The following DGAT2 variants were observed in gnomAD, a reference collection of about 807,000 sequenced individuals.
The protein encoded by DGAT2 is acyl-CoA retinol O-fatty-acyltransferase.
DGAT2 carries 33 observed loss-of-function variants against 48.4 expected under a neutral mutation model. The ratio of observed to expected loss-of-function variants is 0.68; its 90% CI spans 0.52 to 0.91. DGAT2 has a LOEUF of 0.91. DGAT2 is among the 40% of genes least tolerant of loss of function. The pLI is 0.00. For synonymous variants in DGAT2, 191 were observed against 194.1 expected, an observed-to-expected ratio of 0.98 and a Z score of 0.13; for missense variants, 446 against 493.7, an observed-to-expected ratio of 0.90 and a Z score of 0.92.
At chr11:75,797,366 C>T (rs745524073) in intron 6 of DGAT2, 34 bp downstream of exon 6, 5 of 1,409,156 alleles carry the variant, frequency 3.5e-6, no homozygotes, top group Admixed American at 2.7e-5. Flanking sequence ...CACACCCCTC[C>T]AGTGCCCCTC....
At chr11:75,773,794 A>G (rs527427652) in intron 1 of DGAT2, 1 of 152,242 alleles carries the variant, frequency 6.6e-6, no homozygotes, top group Non-Finnish European at 1.5e-5. Flanking sequence ...TGATCTGAGC[A>G]ATGACAGGAA....
At chr11:75,787,649 C>T (rs1024838379) in intron 2 of DGAT2, among the ~76,000 whole-genome samples, 1 of 152,204 alleles carries the variant, frequency 6.6e-6, no homozygotes, top group Non-Finnish European at 1.5e-5. Flanking sequence ...GAACCAGAGC[C>T]TGTTGTTCAG....
intron 1 of DGAT2, among the ~76,000 whole-genome samples, chr11:75,777,635 C>T (rs1179966392): frequency 6.6e-6 from 1 of 152,144 alleles, no homozygotes; most frequent in African/African-American, 2.4e-5. Context: ...GAGTTAGAGG[C>T]CAGGTTCTCC....
At position 75,798,367 on chromosome 11, in the gene DGAT2, G is replaced by A. The variant is rs879238086; in HGVS notation, c.950G>A (p.Arg317Gln). The A allele has an allele frequency of 5.0e-6, 8 of 1,614,070 alleles. No individual in the cohort carries two copies. Among genetic ancestry groups the A allele is most frequent in the Admixed American group, 1.7e-5 (1 of 60,026 alleles). ...TTCGCCCCATGCATCTTCCATGGTC[G>A]AGGCCTCTTCTCCTCCGACACCTGG... ...IGFAPCIFHG[R>Q]GLFSSDTWGL... Residue 317 changes from arginine (R) to glutamine (Q), a missense_variant, in exon 7 of 8, where the codon CGA becomes CAA. Arg to Gln is a conservative substitution (Grantham distance 43, BLOSUM62 1). Transcript: ENST00000228027.
In DGAT2 at chr11:75,800,855, C is replaced by T. The variant is rs925931522; in HGVS notation, c.*347C>T. On this transcript the variant is annotated 3_prime_UTR_variant, in exon 8 of 8. Transcript: ENST00000228027. ...CCAGTTAGATGATTCACTTTTTGCC[C>T]CTAGGGATGAGAGGCGAAAGCCACT... 2.5e-5 allele frequency: 6 copies of T among 238,640 alleles called. No homozygotes were observed. Among genetic ancestry groups the T allele is most frequent in the Non-Finnish European group, 4.1e-5 (5 of 121,328 alleles). 14.8% of individuals were successfully genotyped at this position (238,640 alleles called of 1,614,324 possible).
intron 6 of DGAT2, 69 bp downstream of exon 6, chr11:75,797,401 C>T: frequency 1.5e-6 from 2 of 1,355,148 alleles, no homozygotes; most frequent in Non-Finnish European, 9.5e-7. Context: ...GACTCCTTGG[C>T]CCCTGAAGAC....
intron 1 of DGAT2, among the ~76,000 whole-genome samples, chr11:75,783,295 C>T (rs1944887512): frequency 6.6e-6 from 1 of 152,208 alleles, no homozygotes; most frequent in Non-Finnish European, 1.5e-5. Context: ...TGCATCACAC[C>T]AGGGAAAGGG....
chr11:75,800,262 G>A, intron 7 of DGAT2, 92 bp from the exon 8 acceptor site: 1 of 1,452,008 alleles, frequency 6.9e-7, no homozygotes, highest in South Asian at 1.4e-5. Context: ...CACATGGCGG[G>A]CCCACAGCCC....
rs186425264 is a variant in DGAT2 at position 75,800,664 on chromosome 11, A to T, written c.*156A>T. 1 of 983,764 alleles carries T rather than the reference A, an allele frequency of 1.0e-6. No homozygotes were observed. Among genetic ancestry groups the T allele is most frequent in the East Asian group, 2.7e-5 (1 of 37,112 alleles). The allele number at this position is 983,764 out of a possible 1,614,324, so 60.9% of individuals were successfully genotyped here. On this transcript the variant is annotated 3_prime_UTR_variant, in exon 8 of 8. Transcript: ENST00000228027. Reference sequence around the variant, plus strand: ...ATGTTAGGTCTTTTTTAAGAAGGAAAAAGTCAGTATTTCAAGTTCTTTCAC... The same window carrying T: ...ATGTTAGGTCTTTTTTAAGAAGGAATAAGTCAGTATTTCAAGTTCTTTCAC...
chr11:75,772,558 TATCTAGAGAGCCACTTCCA>T (rs1285060171), intron 1 of DGAT2, among the ~76,000 whole-genome samples: 4 of 152,230 alleles, frequency 2.6e-5, no homozygotes, highest in East Asian at 1.9e-4. Flanking sequence ...CTGGCCACCC[TATCTAGAGAGCCACTTCCA>T]ATCTAGAGAG....
In DGAT2 at chr11:75,768,914, C is replaced by G. The variant is rs1300776628; in HGVS notation, c.-78C>G. On this transcript the variant is annotated 5_prime_UTR_variant, in exon 1 of 8. Coordinates refer to ENST00000228027, the MANE Select transcript of DGAT2 (RefSeq NM_032564.5). ...CCCTGTGCTCTGCGCGAAGCCCTGG[C>G]CCCGGGGGCCGGGGCATGGGCCAGG... The G allele has an allele frequency of 7.4e-7, 1 of 1,360,294 alleles. No individual in the cohort carries two copies. The highest frequency in any genetic ancestry group is 9.4e-7 in the Non-Finnish European group (1 of 1,060,576). The allele number at this position is 1,360,294 out of a possible 1,614,324, so 84.3% of individuals were successfully genotyped here.
Position 75,775,330 on chromosome 11 carries a change from C to A in DGAT2, c.121+6218C>A, listed in dbSNP as rs1213748557. On this transcript the variant is annotated intron_variant, in intron 1 of 7. Coordinates refer to ENST00000228027, the MANE Select transcript of DGAT2 (RefSeq NM_032564.5). ...GAGGACTGACAGTGCCTGCAGGGTC[C>A]TGATGGCCCACTTCCCACCTGGCAC... Among the ~76,000 whole-genome samples, 5 of 152,326 alleles carry A rather than the reference C, an allele frequency of 3.3e-5. No individual in the cohort carries two copies. In the East Asian group the frequency reaches 9.7e-4, roughly 29 times the overall value.
chr11:75,784,534 A>AC, intron 1 of DGAT2, 84 bp from the exon 2 acceptor site: 1 of 1,558,966 alleles, frequency 6.4e-7, no homozygotes, highest in Non-Finnish European at 8.7e-7. Flanking sequence ...CTAGAAGGGT[A>AC]CCTGTGGGAG....
chr11:75,800,218 A>T lies in DGAT2; in HGVS notation c.1013-136A>T, dbSNP rs536707361. Reference sequence around the variant, plus strand: ...CATCTGTAATAGGGGACAACCAGAGATGCAGCACATAAAGCATTTGGCACA... The same window carrying T: ...CATCTGTAATAGGGGACAACCAGAGTTGCAGCACATAAAGCATTTGGCACA... On this transcript the variant is annotated intron_variant, in intron 7 of 7. Coordinates refer to ENST00000228027, the MANE Select transcript of DGAT2 (RefSeq NM_032564.5). The T allele has an allele frequency of 9.7e-6, 11 of 1,134,836 alleles. No homozygotes were observed. The South Asian group carries it at 1.3e-4, about 14-fold the overall frequency. The allele number at this position is 1,134,836 out of a possible 1,614,324, so 70.3% of individuals were successfully genotyped here.
At chr11:75,796,571 G>A in intron 5 of DGAT2, 39 bp downstream of exon 5, 2 of 1,594,896 alleles carry the variant, frequency 1.3e-6, no homozygotes, top group African/African-American at 1.3e-5. Flanking sequence ...GGGCACTGTT[G>A]TCAAGGCCTG....
At chr11:75,776,026 A>T (rs1055065522) in intron 1 of DGAT2, 11 of 152,170 alleles carry the variant, frequency 7.2e-5, no homozygotes, top group Non-Finnish European at 1.5e-4. Flanking sequence ...GTACTTAGAA[A>T]GCACTGGTAT....
chr11:75,769,267 C>A (rs763712754), intron 1 of DGAT2, among the ~76,000 whole-genome samples, 155 bp downstream of exon 1: 1 of 152,184 alleles, frequency 6.6e-6, no homozygotes, highest in Non-Finnish European at 1.5e-5. Flanking sequence ...CCACCCGCCC[C>A]CCAGCTTGTT....
chr11:75,801,058 C>T lies in DGAT2; in HGVS notation c.*550C>T, dbSNP rs1037299528. 6.4e-6 allele frequency: 1 copy of T among 156,062 alleles called. No individual in the cohort carries two copies. Among genetic ancestry groups the T allele is most frequent in the African/African-American group, 2.4e-5 (1 of 41,574 alleles). 9.7% of individuals were successfully genotyped at this position (156,062 alleles called of 1,614,324 possible). On this transcript the variant is annotated 3_prime_UTR_variant, in exon 8 of 8. Coordinates refer to ENST00000228027, the MANE Select transcript of DGAT2 (RefSeq NM_032564.5). ...CCCTTCTGCCACCCCTACCTCACCC[C>T]TAGTCACTCATATCGGAGCCTGGAC...
chr11:75,784,533 T>C lies in DGAT2; in HGVS notation c.122-85T>C. Reference sequence around the variant, plus strand: ...GATGCTCTTCTCATATCTAGAAGGGTACCTGTGGGAGGTGAGGTTTGTACT... The same window carrying C: ...GATGCTCTTCTCATATCTAGAAGGGCACCTGTGGGAGGTGAGGTTTGTACT... On this transcript the variant is annotated intron_variant, in intron 1 of 7. Transcript: ENST00000228027. The C allele has an allele frequency of 4.5e-6, 7 of 1,557,730 alleles. No individual in the cohort carries two copies. In the South Asian group the frequency reaches 5.9e-5, roughly 13 times the overall value.
Sources: gnomAD v4.1 joint callset for allele counts (sites outside exome capture counted in the v4.1 genomes callset) on GRCh38, gnomAD v4.1.1 for gene constraint, MANE v1.5 for transcripts, NCBI Gene and HGNC (gene_info 2026-07-23, HGNC 2026-07-21) for gene names.